Variants in IHO1 observed in about 807,000 individuals in gnomAD.
The protein encoded by IHO1 is interactor of HORMAD1 1.
In IHO1, 13 loss-of-function variants were observed where a neutral mutation model predicts 31.0. The ratio of observed to expected loss-of-function variants is 0.42; its 90% CI spans 0.27 to 0.67. The LOEUF (loss-of-function observed/expected upper bound fraction) is 0.67, where lower values mean the gene tolerates loss of function less well. Among genes scored for constraint, IHO1 ranks in the 30% least tolerant of loss-of-function variants. The pLI is 0.24. For missense variants in IHO1, 599 were observed against 687.5 expected (o/e 0.87, Z 1.44); for synonymous variants, 221 against 248.4 (o/e 0.89, Z 1.04).
At chr3:49,192,502 A>G in the IHO1 span, among the ~76,000 whole-genome samples, 8 of 152,304 alleles carry the variant, frequency 5.3e-5, no homozygotes, top group Admixed American at 3.3e-4. Context: ...TAAAACACCC[A>G]AGACCCTGCT....
At chr3:49,191,416 C>T in the IHO1 span, among the ~76,000 whole-genome samples, 10 of 152,176 alleles carry the variant, frequency 6.6e-5, no homozygotes. Context: ...AATCTTTGCC[C>T]TCAAAATGTT....
In IHO1 at chr3:49,244,419, C is replaced by A. The variant is rs368487966; in HGVS notation, c.411C>A (p.Asn137Lys). The part of the protein sequence containing the change: ...KDKCDSETLY[N>K]FVSNVRESIL... ...CCTATTCTAGTGAGACTCTATACAA[C>A]TTTGTTTCTAATGTTAGAGAAAGCA... The change falls in exon 5 of 8, where the codon AAC becomes AAA. Residue 137 changes from asparagine to lysine, a missense_variant. Asn to Lys is a moderately conservative substitution (Grantham distance 94). Coordinates refer to ENST00000452691, the MANE Select transcript of IHO1 (RefSeq NM_001135197.2). 6.4e-7 allele frequency: 1 copy of A among 1,557,010 alleles called. No individual in the cohort carries two copies. The highest frequency in any genetic ancestry group is 8.8e-7 in the Non-Finnish European group (1 of 1,140,152).
chr3:49,219,574 T>TAA, intron 2 of IHO1, among the ~76,000 whole-genome samples: 1 of 152,208 alleles, frequency 6.6e-6, no homozygotes, highest in East Asian at 1.9e-4. Flanking sequence ...TTCCACACTC[T>TAA]ATATTTCTGT....
intron 2 of IHO1, among the ~76,000 whole-genome samples, chr3:49,213,742 G>A (rs2046251627): frequency 6.6e-6 from 1 of 152,224 alleles, no homozygotes; most frequent in Non-Finnish European, 1.5e-5. Context: ...TGAGTGCAGG[G>A]CCTGCCAAGC....
Position 49,241,387 on chromosome 3 carries a change from C to T in IHO1, c.393C>T (p.Asp131=), listed in dbSNP as rs1053223613. The T allele has an allele frequency of 2.5e-6, 4 of 1,608,662 alleles. No individual in the cohort carries two copies. In the Admixed American group the frequency reaches 6.8e-5, roughly 27 times the overall value. ...EKKKRAKDKC[D]SETLYNFVSN... is the part of the protein sequence containing the mutation. ...AGAAAAGGGCAAAAGACAAATGTGACAGGTATGTAAACCTTTCAAATGGAT... is the reference window on the plus strand; with the variant it reads ...AGAAAAGGGCAAAAGACAAATGTGATAGGTATGTAAACCTTTCAAATGGAT... The change falls in exon 4 of 8, where the codon GAC becomes GAT. Residue 131 remains aspartate, a splice_region_variant and synonymous_variant. Transcript: ENST00000452691.
At chr3:49,244,319 T>C (rs2046668573) in intron 4 of IHO1, 85 bp from the exon 5 acceptor site, 1 of 841,652 alleles carries the variant, frequency 1.2e-6, no homozygotes, top group Non-Finnish European at 2.0e-6. Flanking sequence ...TAGGTAGAGA[T>C]CTGCCATATT....
intron 2 of IHO1, among the ~76,000 whole-genome samples, chr3:49,220,964 C>T (rs1350484549): frequency 6.6e-6 from 1 of 152,252 alleles, no homozygotes; most frequent in Non-Finnish European, 1.5e-5. Flanking sequence ...CGGGTTGCCG[C>T]TGCTGGCTCC....
At chr3:49,238,320 G>T (rs1250466448) in intron 3 of IHO1, among the ~76,000 whole-genome samples, 3 of 152,192 alleles carry the variant, frequency 2.0e-5, no homozygotes, top group South Asian at 2.1e-4. Flanking sequence ...TTGAGACAGA[G>T]TTTTTCCCTC....
upstream of IHO1, among the ~76,000 whole-genome samples, chr3:49,196,361 C>A (rs1408691906): frequency 6.7e-6 from 1 of 150,100 alleles, no homozygotes; most frequent in Non-Finnish European, 1.5e-5. Context: ...CACTGTTGCC[C>A]AGGCTGGAGT....
chr3:49,201,401 A>T (rs2046068219), intron 1 of IHO1, among the ~76,000 whole-genome samples: 1 of 152,008 alleles, frequency 6.6e-6, no homozygotes, highest in Non-Finnish European at 1.5e-5. Flanking sequence ...TGAGGTCAGA[A>T]GTTCAAGACC....
chr3:49,200,475 A>AGAAAAG, intron 1 of IHO1: 1 of 103,868 alleles, frequency 9.6e-6, no homozygotes, highest in Non-Finnish European at 1.3e-5. Flanking sequence ...AAAAAAAAAA[A>AGAAAAG]AAAGAAAGAA....
chr3:49,202,992 A>G (rs1352909944), intron 1 of IHO1, among the ~76,000 whole-genome samples: 5 of 151,114 alleles, frequency 3.3e-5, no homozygotes, highest in Admixed American at 6.6e-5. Flanking sequence ...CCTCCCGAGT[A>G]GCTGGGACTA....
At chr3:49,198,290 T>A (rs1016235894), upstream of IHO1, 2 of 152,234 alleles carry the variant, frequency 1.3e-5, no homozygotes, top group African/African-American at 4.8e-5. Context: ...TAACTAATCT[T>A]CCCTGAACAC....
Position 49,253,255 on chromosome 3 carries a change from A to G in IHO1, c.533-2135A>G, listed in dbSNP as rs77265356. The stretch of plus-strand genomic sequence containing the variant: ...AGCCTGGCCAACATGGCAAAACCCC[A>G]TCTCTATTAAAATACAATTAATAGC... On this transcript the variant is annotated intron_variant, in intron 6 of 7. Transcript: ENST00000452691. Among the ~76,000 whole-genome samples, 5 of 151,426 alleles carry G rather than the reference A, an allele frequency of 3.3e-5. No homozygotes were observed. The East Asian group carries it at 7.8e-4, about 24-fold the overall frequency.
chr3:49,207,323 G>T (rs2046151565), intron 1 of IHO1, among the ~76,000 whole-genome samples: 1 of 148,914 alleles, frequency 6.7e-6, no homozygotes, highest in African/African-American at 2.5e-5. Context: ...TCGGCTCACT[G>T]CAAACTCTGC....
At position 49,257,342 on chromosome 3, in the gene IHO1, T is replaced by C; in HGVS notation, c.*60T>C. The stretch of plus-strand genomic sequence containing the variant: ...AAGAGAAATTGCAGGACATTTGGGC[T>C]GGCCAACAGCAGAAAGTCCCTGAAG... On this transcript the variant is annotated 3_prime_UTR_variant, in exon 8 of 8. Transcript: ENST00000452691. 1 of 1,521,760 alleles carries C rather than the reference T, an allele frequency of 6.6e-7. No homozygotes were observed. Among genetic ancestry groups the C allele is most frequent in the South Asian group, 1.3e-5 (1 of 79,888 alleles). The allele number at this position is 1,521,760 out of a possible 1,614,324, so 94.3% of individuals were successfully genotyped here.
At chr3:49,252,406 C>CTGCT (rs1365458179) in intron 6 of IHO1, 1 of 152,658 alleles carries the variant, frequency 6.6e-6, no homozygotes, top group Non-Finnish European at 1.5e-5. Context: ...CCATTTCTTA[C>CTGCT]TGCTTTTTTC....
chr3:49,207,837 G>A (rs898422828), intron 1 of IHO1, among the ~76,000 whole-genome samples: 8 of 150,396 alleles, frequency 5.3e-5, no homozygotes, highest in African/African-American at 9.8e-5. Context: ...GCAGTGGTGC[G>A]ATCGCGGTTC....
chr3:49,256,033 C>G lies in IHO1; in HGVS notation c.637-101C>G. On this transcript the variant is annotated intron_variant, in intron 7 of 7. Coordinates refer to ENST00000452691, the MANE Select transcript of IHO1 (RefSeq NM_001135197.2). This position sits in a 1 kb window ranked among gnomAD's most constrained non-coding sequence, Gnocchi z 4.6. ...TGAGAGGTTCCCTACAAGGAGCAAG[C>G]CTTGGTTCTGCTGTCACATCCATTG... is the stretch of plus-strand genomic sequence containing the variant. 9.6e-7 allele frequency: 1 copy of G among 1,042,172 alleles called. No individual in the cohort carries two copies. Among genetic ancestry groups the G allele is most frequent in the Non-Finnish European group, 1.4e-6 (1 of 708,162 alleles). The allele number at this position is 1,042,172 out of a possible 1,614,324, so 64.6% of individuals were successfully genotyped here.
Sources: gnomAD v4.1 joint callset for allele counts (sites outside exome capture counted in the v4.1 genomes callset) on GRCh38, gnomAD v4.1.1 for gene constraint, Gnocchi (gnomAD v3.1) non-coding constraint, MANE v1.5 for transcripts, NCBI Gene and HGNC (gene_info 2026-07-23, HGNC 2026-07-21) for gene names.